The following ADK variants were observed in gnomAD, a reference collection of about 807,000 sequenced individuals.
The protein encoded by ADK is adenosine kinase.
Under a neutral mutation model 44.7 loss-of-function variants are expected in ADK, and 24 were observed. The ratio of observed to expected loss-of-function variants is 0.54; its 90% CI spans 0.39 to 0.76. The LOEUF (loss-of-function observed/expected upper bound fraction) is 0.76, where lower values mean the gene tolerates loss of function less well. Ranked by LOEUF, ADK falls within the 30% of genes least tolerant of loss-of-function variation. The pLI is 0.00. For missense variants in ADK, 321 were observed against 425.1 expected, an observed-to-expected ratio of 0.76 and a Z score of 2.15; for synonymous variants, 128 against 142.6, an observed-to-expected ratio of 0.90 and a Z score of 0.73.
chr10:74,521,578 G>A (rs1366385884), intron 6 of ADK, among the ~76,000 whole-genome samples: 1 of 152,168 alleles, frequency 6.6e-6, no homozygotes, highest in African/African-American at 2.4e-5. Flanking sequence ...ACAGCTGGCA[G>A]AATGCTAGCT....
At chr10:74,432,934 G>A (rs1377020084) in intron 6 of ADK, among the ~76,000 whole-genome samples, 1 of 152,004 alleles carries the variant, frequency 6.6e-6, no homozygotes, top group Non-Finnish European at 1.5e-5. Context: ...GAACCTTTTT[G>A]CTTCATGATT....
chr10:74,707,889 A>G (rs1195686271), intron 10 of ADK, among the ~76,000 whole-genome samples: 1 of 151,576 alleles, frequency 6.6e-6, no homozygotes, highest in African/African-American at 2.4e-5. Context: ...CCGACCGGGC[A>G]CAGTGGCTCA....
intron 2 of ADK, among the ~76,000 whole-genome samples, chr10:74,217,116 CAAAG>C (rs1844072520): frequency 1.3e-5 from 2 of 152,188 alleles, no homozygotes; most frequent in African/African-American, 2.4e-5. Context: ...CTTTCCTAGT[CAAAG>C]AAAGGGGTGA....
intron 3 of ADK, among the ~76,000 whole-genome samples, chr10:74,279,608 T>A (rs1846837907): frequency 6.6e-6 from 1 of 152,084 alleles, no homozygotes; most frequent in Non-Finnish European, 1.5e-5. Context: ...GAGTGCCTTT[T>A]ACCCAGAGCC....
chr10:74,281,136 G>C (rs1846917623), intron 3 of ADK, among the ~76,000 whole-genome samples: 1 of 152,230 alleles, frequency 6.6e-6, no homozygotes, highest in African/African-American at 2.4e-5. Flanking sequence ...AGCATGTAAA[G>C]GAAATAATGG....
At chr10:74,708,235 C>CCAA in intron 10 of ADK, 86 bp from the exon 11 acceptor site, 1 of 1,409,070 alleles carries the variant, frequency 7.1e-7, no homozygotes, top group Admixed American at 1.7e-5. Context: ...GAGACAGGTG[C>CCAA]TTAGATCATA....
chr10:74,631,503 C>T (rs532390304), intron 9 of ADK, among the ~76,000 whole-genome samples: 62 of 151,886 alleles, frequency 4.1e-4, no homozygotes, highest in African/African-American at 1.4e-3. Flanking sequence ...GGTGATCCAC[C>T]CGCCTCAGCC....
intron 7 of ADK, among the ~76,000 whole-genome samples, chr10:74,541,797 C>T (rs933852835): frequency 1.4e-4 from 17 of 125,092 alleles, no homozygotes; most frequent in Admixed American, 8.6e-4. Flanking sequence ...CCCACACACC[C>T]CCCCCCCCTA....
At chr10:74,556,770 T>A (rs778516626) in intron 7 of ADK, among the ~76,000 whole-genome samples, 1 of 152,214 alleles carries the variant, frequency 6.6e-6, no homozygotes, top group Non-Finnish European at 1.5e-5. Flanking sequence ...TTTATGTCCA[T>A]TATTGTTGTG....
intron 6 of ADK, among the ~76,000 whole-genome samples, chr10:74,511,802 T>C (rs978157866): frequency 2.0e-5 from 3 of 152,204 alleles, no homozygotes; most frequent in Non-Finnish European, 4.4e-5. Flanking sequence ...TTCTTTCTCT[T>C]GCCTAATTGC....
intron 3 of ADK, among the ~76,000 whole-genome samples, chr10:74,241,025 T>A (rs1445386190): frequency 3.3e-5 from 5 of 152,234 alleles, no homozygotes; most frequent in Non-Finnish European, 5.9e-5. Flanking sequence ...AAAACAAAAC[T>A]TATCAGTAAG....
chr10:74,569,063 G>A (rs1043037572), intron 7 of ADK, among the ~76,000 whole-genome samples: 1 of 152,044 alleles, frequency 6.6e-6, no homozygotes, highest in Non-Finnish European at 1.5e-5. Flanking sequence ...TGCTGAGAAT[G>A]ATGGTCTCCA....
intron 1 of ADK, among the ~76,000 whole-genome samples, chr10:74,184,983 G>A (rs1484591362): frequency 6.6e-6 from 1 of 152,060 alleles, no homozygotes; most frequent in Non-Finnish European, 1.5e-5. Context: ...GGGATTATTT[G>A]TTATCTTACT....
intron 3 of ADK, among the ~76,000 whole-genome samples, chr10:74,266,425 C>G (rs1057244557): frequency 6.6e-6 from 1 of 151,954 alleles, no homozygotes; most frequent in African/African-American, 2.4e-5. Context: ...GGCGTGGTGG[C>G]GGGCACCTGT....
At chr10:74,229,613 G>T (rs1230815923) in intron 3 of ADK, among the ~76,000 whole-genome samples, 2 of 152,074 alleles carry the variant, frequency 1.3e-5, no homozygotes, top group African/African-American at 2.4e-5. Context: ...TAGCCAGGAT[G>T]GTCTTGATCT....
chr10:74,258,857 G>A lies in ADK; in HGVS notation c.194+34266G>A, dbSNP rs369449978. On this transcript the variant is annotated intron_variant, in intron 3 of 10. Transcript: ENST00000539909. ...AATTGTTATTCATGTTACTAAATGG[G>A]TTGTTTTCTGTAACATGATTGTTTA... 4.0e-4 allele frequency among the ~76,000 whole-genome samples: 60 copies of A among 151,338 alleles called. 2 individuals are homozygous for A. The highest frequency in any genetic ancestry group is 1.4e-3 in the African/African-American group (59 of 41,296).
chr10:74,577,150 G>GTGTGTGTGTGTGTGTA (rs796256860), intron 7 of ADK, among the ~76,000 whole-genome samples: 15 of 148,980 alleles, frequency 1.0e-4, no homozygotes, highest in African/African-American at 3.6e-4. Flanking sequence ...GTGTGTGTGT[G>GTGTGTGTGTGTGTGTA]TGTAGTCTAA....
At chr10:74,553,019 GTTTTTTA>G (rs1713911348) in intron 7 of ADK, among the ~76,000 whole-genome samples, 1 of 150,134 alleles carries the variant, frequency 6.7e-6, no homozygotes, top group Non-Finnish European at 1.5e-5. Context: ...CTGTATGGTA[GTTTTTTA>G]TTTTTTTTTT....
At chr10:74,677,121 T>C (rs1855419698) in intron 10 of ADK, among the ~76,000 whole-genome samples, 1 of 152,130 alleles carries the variant, frequency 6.6e-6, no homozygotes, top group Admixed American at 6.5e-5. Flanking sequence ...GGCATAAGCC[T>C]GTGGTTCCAG....
Sources: allele counts gnomAD v4.1 joint callset (sites outside exome capture counted in the v4.1 genomes callset), GRCh38; gene constraint gnomAD v4.1.1; transcripts MANE v1.5; gene names NCBI Gene and HGNC (gene_info 2026-07-23, HGNC 2026-07-21).